ANXA13: variants seen among roughly 807,000 people sequenced by gnomAD.
The protein encoded by ANXA13 is annexin A13.
ANXA13 carries 36 observed loss-of-function variants against 46.6 expected under a neutral mutation model. The ratio of observed to expected loss-of-function variants is 0.77; its 90% CI spans 0.59 to 1.02. The LOEUF (loss-of-function observed/expected upper bound fraction) is 1.02, where lower values mean the gene tolerates loss of function less well. ANXA13 is among the 50% of genes least tolerant of loss of function. ANXA13 has a pLI of 0.00. For missense variants in ANXA13, 417 were observed against 396.5 expected, an observed-to-expected ratio of 1.05 and a Z score of -0.44; for synonymous variants, 163 against 152.9, an observed-to-expected ratio of 1.07 and a Z score of -0.49.
chr8:123,719,957 T>C (rs1387295315), intron 1 of ANXA13, among the ~76,000 whole-genome samples: 1 of 152,152 alleles, frequency 6.6e-6, no homozygotes, highest in Non-Finnish European at 1.5e-5. Flanking sequence ...CGGTGCTGGA[T>C]TACGGTAAGC....
At chr8:123,684,829 G>A in intron 9 of ANXA13, 107 bp from the exon 10 acceptor site, 1 of 760,780 alleles carries the variant, frequency 1.3e-6, no homozygotes, top group Non-Finnish European at 2.3e-6. Context: ...ACTGGATGGT[G>A]AGACAGAGGT....
chr8:123,735,117 A>C (rs2129960564), intron 1 of ANXA13, among the ~76,000 whole-genome samples: 1 of 151,786 alleles, frequency 6.6e-6, no homozygotes, highest in Admixed American at 6.6e-5. Flanking sequence ...AAAACTCAAA[A>C]AAAAAAAAAA....
At chr8:123,713,504 C>A (rs935164420) in intron 1 of ANXA13, among the ~76,000 whole-genome samples, 4 of 151,954 alleles carry the variant, frequency 2.6e-5, no homozygotes, top group African/African-American at 9.7e-5. Context: ...TTTTTGTGAG[C>A]ACAAAAATGG....
intron 3 of ANXA13, among the ~76,000 whole-genome samples, chr8:123,699,095 C>T (rs577938516): frequency 1.3e-5 from 2 of 152,264 alleles, no homozygotes; most frequent in East Asian, 1.9e-4. Context: ...CCGTCACTTC[C>T]GTTATCTCGC....
intron 1 of ANXA13, among the ~76,000 whole-genome samples, chr8:123,716,765 C>T (rs1813766055): frequency 1.3e-5 from 2 of 152,066 alleles, no homozygotes; most frequent in South Asian, 2.1e-4. Context: ...ATTCCACGTC[C>T]ATTGTTCATT....
chr8:123,698,183 C>T (rs542263354), intron 4 of ANXA13, among the ~76,000 whole-genome samples: 1 of 152,204 alleles, frequency 6.6e-6, no homozygotes, highest in East Asian at 1.9e-4. Flanking sequence ...CTGAAAAGAT[C>T]GATTCTGTTA....
At chr8:123,696,741 C>G (rs542066585) in intron 4 of ANXA13, among the ~76,000 whole-genome samples, 11 of 152,090 alleles carry the variant, frequency 7.2e-5, no homozygotes, top group Admixed American at 2.0e-4. Flanking sequence ...CCTTCCAACC[C>G]GCAACCAGGA....
At chr8:123,720,657 CGTGT>C (rs34135339) in intron 1 of ANXA13, among the ~76,000 whole-genome samples, 13,626 of 141,390 alleles carry the variant, frequency 0.096, 784 homozygotes, top group Middle Eastern at 0.16. Flanking sequence ...CCTGTGTCCC[CGTGT>C]GTGTGTGTGT....
intron 1 of ANXA13, among the ~76,000 whole-genome samples, chr8:123,730,646 T>G (rs1474089594): frequency 6.6e-6 from 1 of 152,186 alleles, no homozygotes; most frequent in African/African-American, 2.4e-5. Flanking sequence ...ATCCTGGATT[T>G]AGAGTATTTC....
chr8:123,707,497 A>G (rs776982940), intron 2 of ANXA13, among the ~76,000 whole-genome samples: 93 of 152,222 alleles, frequency 6.1e-4, no homozygotes, highest in Non-Finnish European at 1.2e-3. Flanking sequence ...CATATACACC[A>G]TGGAATACTA....
chr8:123,700,208 C>T (rs532076017), intron 3 of ANXA13, among the ~76,000 whole-genome samples: 4 of 151,712 alleles, frequency 2.6e-5, no homozygotes, highest in African/African-American at 7.3e-5. Context: ...GGTGTGGAGT[C>T]ATCTAAAAAT....
At chr8:123,689,544 C>A (rs1197656408) in intron 8 of ANXA13, among the ~76,000 whole-genome samples, 3 of 152,150 alleles carry the variant, frequency 2.0e-5, no homozygotes, top group Admixed American at 2.0e-4. Flanking sequence ...GGGGTGCTGA[C>A]CACATCAAAA....
In ANXA13 at chr8:123,690,527, G is replaced by A. The variant is rs138423207; in HGVS notation, c.643-1581C>T. ...CCCTACTCCTGGTAGCTGCTGAGGC[G>A]TCTCCGTGGGACACAATCTGAAACA... On this transcript the variant is annotated intron_variant, in intron 8 of 10. Transcript: ENST00000419625. The surrounding 1 kb of genome is among the most constrained non-coding windows in gnomAD (Gnocchi z 4.6). Among the ~76,000 whole-genome samples the A allele has an allele frequency of 2.6e-5, 4 of 152,254 alleles. No homozygotes were observed. Among genetic ancestry groups the A allele is most frequent in the East Asian group, 3.9e-4 (2 of 5,174 alleles).
At chr8:123,703,156 T>C (rs1019831057) in intron 2 of ANXA13, among the ~76,000 whole-genome samples, 1 of 152,226 alleles carries the variant, frequency 6.6e-6, no homozygotes, top group African/African-American at 2.4e-5. Context: ...ATCCATACAA[T>C]GGAATGTTAT....
At chr8:123,721,793 C>T (rs938096359) in intron 1 of ANXA13, among the ~76,000 whole-genome samples, 2 of 152,118 alleles carry the variant, frequency 1.3e-5, no homozygotes, top group Non-Finnish European at 2.9e-5. Context: ...TGGGTCCAGA[C>T]CGTTTACAAA....
At chr8:123,710,041 G>A (rs1813626115) in intron 2 of ANXA13, among the ~76,000 whole-genome samples, 1 of 152,144 alleles carries the variant, frequency 6.6e-6, no homozygotes, top group Admixed American at 6.5e-5. Context: ...TTACAGGTGT[G>A]AGCCACTGCG....
chr8:123,689,944 C>T (rs1813202909), intron 8 of ANXA13, among the ~76,000 whole-genome samples: 3 of 152,152 alleles, frequency 2.0e-5, no homozygotes, highest in Non-Finnish European at 4.4e-5. Context: ...GATGTAAGCA[C>T]AATATATGTC....
At chr8:123,689,042 A>G in intron 8 of ANXA13, 96 bp from the exon 9 acceptor site, 1 of 1,188,938 alleles carries the variant, frequency 8.4e-7, no homozygotes, top group Non-Finnish European at 1.2e-6. Flanking sequence ...CAAGTTTTCC[A>G]GATTTAGTCC....
chr8:123,732,608 C>A (rs576361653), intron 1 of ANXA13, among the ~76,000 whole-genome samples: 3 of 152,012 alleles, frequency 2.0e-5, no homozygotes, highest in East Asian at 1.9e-4. Context: ...TTAACATGTT[C>A]TTCCTTCTAT....
Sources: gnomAD v4.1 joint callset for allele counts (sites outside exome capture counted in the v4.1 genomes callset) on GRCh38, gnomAD v4.1.1 for gene constraint, Gnocchi (gnomAD v3.1) non-coding constraint, MANE v1.5 for transcripts, NCBI Gene and HGNC (gene_info 2026-07-23, HGNC 2026-07-21) for gene names.